Variants in NLN observed in about 807,000 individuals in gnomAD.
The protein encoded by NLN is neurolysin, also known as neurolysin, mitochondrial.
Under a neutral mutation model 79.9 loss-of-function variants are expected in NLN, and 64 were observed. The ratio of observed to expected loss-of-function variants is 0.80; its 90% CI spans 0.65 to 0.99. The LOEUF is 0.99. NLN is among the 50% of genes least tolerant of loss of function. The probability of loss-of-function intolerance (pLI) is 0.00; values close to 1 mark genes in which losing one functional copy is unlikely to be tolerated. For synonymous variants in NLN, 267 were observed against 296.6 expected (o/e 0.90, Z 1.02); for missense variants, 835 against 858.7 (o/e 0.97, Z 0.34).
intron 4 of NLN, among the ~76,000 whole-genome samples, chr5:65,778,799 A>G (rs932185622): frequency 5.3e-5 from 8 of 152,132 alleles, no homozygotes; most frequent in Admixed American, 6.5e-5. Context: ...TAAAATGGCT[A>G]TAAATCTAAA....
rs1759981865 is a variant in NLN, at chr5:65,788,340, T to C, written c.1181T>C (p.Leu394Pro). Residue 394 changes from leucine (L) to proline (P), a missense_variant, in exon 8 of 13, where the codon CTG (leucine) becomes CCG (proline). Physicochemically the swap from Leu to Pro is moderately conservative, Grantham distance 98. Transcript: ENST00000380985. Reference sequence around the variant, plus strand: ...ATTGAGGTGGTCACTGAAGGCTTGCTGAACACCTACCAGGAGTTGTTGGGA... The same window carrying C: ...ATTGAGGTGGTCACTGAAGGCTTGCCGAACACCTACCAGGAGTTGTTGGGA... ...FPIEVVTEGL[L>P]NTYQELLGLS... 2 of 1,614,094 alleles carry C rather than the reference T, an allele frequency of 1.2e-6. No individual in the cohort carries two copies. The highest frequency in any genetic ancestry group is 3.3e-5 in the Admixed American group (2 of 60,002).
At chr5:65,784,753 G>A (rs1309822) in intron 6 of NLN, among the ~76,000 whole-genome samples, 40,865 of 152,042 alleles carry the variant, frequency 0.27, 6,668 homozygotes, top group East Asian at 0.55. Flanking sequence ...TTTTTCTGCA[G>A]CCATCACCTG....
intron 10 of NLN, 39 bp downstream of exon 10, chr5:65,809,740 T>A (rs1473469785): frequency 6.9e-7 from 1 of 1,443,102 alleles, no homozygotes; most frequent in Admixed American, 2.3e-5. Context: ...TAAATTAGAA[T>A]CTCTTAATGT....
intron 9 of NLN, among the ~76,000 whole-genome samples, chr5:65,808,954 TA>T (rs1329861749): frequency 6.6e-6 from 1 of 152,238 alleles, no homozygotes; most frequent in African/African-American, 2.4e-5. Context: ...TCAAAGTCTA[TA>T]ATGTTGTGAT....
Position 65,822,949 on chromosome 5 carries a change from G to T in NLN, c.*34G>T, listed in dbSNP as rs757109314. 3 of 1,596,516 alleles carry T rather than the reference G, an allele frequency of 1.9e-6. No homozygotes were observed. The highest frequency in any genetic ancestry group is 2.6e-6 in the Non-Finnish European group (3 of 1,165,304). ...TCTTTGGTAGCCGTCCATGTCTGGA[G>T]GACAAGTCGACATCACCATGTGTTA... On this transcript the variant is annotated 3_prime_UTR_variant, in exon 13 of 13. Coordinates refer to ENST00000380985, the MANE Select transcript of NLN (RefSeq NM_020726.5).
chr5:65,741,840 G>A (rs530436298), intron 1 of NLN, among the ~76,000 whole-genome samples: 70 of 152,272 alleles, frequency 4.6e-4, no homozygotes, highest in African/African-American at 1.5e-3. Context: ...TTTAAGAAAA[G>A]AAATCTCTTC....
At chr5:65,726,151 C>A (rs901638445) in intron 1 of NLN, among the ~76,000 whole-genome samples, 1 of 151,042 alleles carries the variant, frequency 6.6e-6, no homozygotes, top group African/African-American at 2.4e-5. Flanking sequence ...TGAAAAAAAT[C>A]TATTTCAGCT....
At position 65,822,890 on chromosome 5, in the gene NLN, T is replaced by G; in HGVS notation, c.2090T>G (p.Met697Arg). 6.2e-7 allele frequency: 1 copy of G among 1,613,708 alleles called. No homozygotes were observed. Among genetic ancestry groups the G allele is most frequent in the Non-Finnish European group, 8.5e-7 (1 of 1,179,662 alleles). ...KREPNQKAFL[M>R]SRGLHAP The stretch of plus-strand genomic sequence containing the variant: ...GAGCCAAACCAAAAAGCGTTCCTAA[T>G]GAGTAGAGGCCTGCATGCTCCGTGA... The change falls in exon 13 of 13, where the codon ATG (methionine) becomes AGG (arginine). Residue 697 changes from methionine (M) to arginine (R), a missense_variant. Transcript: ENST00000380985.
chr5:65,800,064 G>A (rs1424612183), intron 9 of NLN, among the ~76,000 whole-genome samples: 2 of 152,188 alleles, frequency 1.3e-5, no homozygotes, highest in Admixed American at 6.5e-5. Context: ...CCTGAGGCCT[G>A]TCCTTTTTCA....
At chr5:65,726,525 T>TTTTA (rs1453320801) in intron 1 of NLN, among the ~76,000 whole-genome samples, 1 of 152,182 alleles carries the variant, frequency 6.6e-6, no homozygotes, top group African/African-American at 2.4e-5. Context: ...TATGAAAGAT[T>TTTTA]TTTAACCTCA....
intron 1 of NLN, among the ~76,000 whole-genome samples, chr5:65,754,526 A>T (rs986100864): frequency 6.6e-6 from 1 of 152,154 alleles, no homozygotes; most frequent in African/African-American, 2.4e-5. Flanking sequence ...CATCTACTGC[A>T]CTGACTTCTC....
At chr5:65,725,143 T>C (rs952000027) in intron 1 of NLN, among the ~76,000 whole-genome samples, 3 of 152,158 alleles carry the variant, frequency 2.0e-5, no homozygotes, top group African/African-American at 7.2e-5. Flanking sequence ...AACTAATGTG[T>C]GACATAATAG....
intron 3 of NLN, among the ~76,000 whole-genome samples, chr5:65,767,615 A>G (rs1376832293): frequency 6.6e-6 from 1 of 152,192 alleles, no homozygotes; most frequent in African/African-American, 2.4e-5. Flanking sequence ...TTACTTATGC[A>G]AATTTCTACA....
chr5:65,817,582 T>C (rs2150777687), intron 12 of NLN, among the ~76,000 whole-genome samples: 1 of 152,366 alleles, frequency 6.6e-6, no homozygotes, highest in Middle Eastern at 3.4e-3. Context: ...ATTGTTAAGC[T>C]ACTATTATCT....
chr5:65,825,423 T>C lies in NLN; in HGVS notation c.*2508T>C, dbSNP rs1246533980. ...TTTGTTTTTTTTTTAGGCATTGTTA[T>C]GTTGTGAAGGATAAAATCTTCAACA... On this transcript the variant is annotated 3_prime_UTR_variant, in exon 13 of 13. Transcript: ENST00000380985. 2 of 152,178 alleles carry C rather than the reference T, an allele frequency of 1.3e-5. No homozygotes were observed. Among genetic ancestry groups the C allele is most frequent in the Non-Finnish European group, 2.9e-5 (2 of 68,026 alleles). The allele number at this position is 152,178 out of a possible 1,614,324, so 9.4% of individuals were successfully genotyped here.
chr5:65,792,599 G>C lies in NLN; in HGVS notation c.1471G>C (p.Glu491Gln). ...AGRPSLLRHD[E>Q]VRTYFHEFGH... ...TCGTCCCTCTCTCCTGAGACACGAC[G>C]AGGTGAGGACTTACTTTCATGAGTT... Residue 491 changes from glutamate to glutamine, a missense_variant, in exon 9 of 13, where the codon GAG (glutamate) becomes CAG (glutamine). Glu to Gln is a conservative substitution (Grantham distance 29). Transcript: ENST00000380985. 6.2e-7 allele frequency: 1 copy of C among 1,614,036 alleles called. No homozygotes were observed. The highest frequency in any genetic ancestry group is 1.1e-5 in the South Asian group (1 of 91,078).
intron 1 of NLN, among the ~76,000 whole-genome samples, chr5:65,735,650 T>G (rs1242005551): frequency 6.6e-6 from 1 of 152,184 alleles, no homozygotes; most frequent in African/African-American, 2.4e-5. Context: ...CTTATGAAAA[T>G]AGAGATCTTT....
At chr5:65,769,850 A>T (rs1423216907) in intron 3 of NLN, among the ~76,000 whole-genome samples, 1 of 152,176 alleles carries the variant, frequency 6.6e-6, no homozygotes, top group African/African-American at 2.4e-5. Context: ...CCTTCAAGGG[A>T]GGGAGGTATC....
At chr5:65,788,048 A>G in intron 7 of NLN, 70 bp from the exon 8 acceptor site, 1 of 1,468,662 alleles carries the variant, frequency 6.8e-7, no homozygotes, top group South Asian at 1.3e-5. Context: ...ATGCTAAAAC[A>G]CAGGTGGTAT....
Sources: gnomAD v4.1 joint callset for allele counts (sites outside exome capture counted in the v4.1 genomes callset) on GRCh38, gnomAD v4.1.1 for gene constraint, MANE v1.5 for transcripts, NCBI Gene and HGNC (gene_info 2026-07-23, HGNC 2026-07-21) for gene names.